Variants in ASH1L observed in about 807,000 individuals in gnomAD.
ASH1L encodes histone-lysine N-methyltransferase ASH1L.
A neutral mutation model predicts 269.0 loss-of-function variants in ASH1L; 23 were observed. The ratio of observed to expected loss-of-function variants is 0.09; its 90% CI spans 0.06 to 0.12. The LOEUF (loss-of-function observed/expected upper bound fraction) is 0.12. ASH1L is among the 10% of genes least tolerant of loss of function. The pLI, the probability that ASH1L is intolerant of heterozygous loss-of-function variation, is 1.00. For missense variants in ASH1L, 2,912 were observed against 3,567.8 expected, an observed-to-expected ratio of 0.82 and a Z score of 4.68; for synonymous variants, 1,187 against 1,253.5, an observed-to-expected ratio of 0.95 and a Z score of 1.12.
At chr1:155,489,913 T>C (rs903086728) in intron 2 of ASH1L, among the ~76,000 whole-genome samples, 11 of 151,874 alleles carry the variant, frequency 7.2e-5, no homozygotes, top group African/African-American at 2.4e-4. Context: ...TTTTTAAAGG[T>C]GAAAGTACAA....
intron 1 of ASH1L, among the ~76,000 whole-genome samples, chr1:155,528,434 G>A (rs544996379): frequency 6.6e-6 from 1 of 150,590 alleles, no homozygotes; most frequent in Admixed American, 6.6e-5. Context: ...TATTGCAATA[G>A]CTTTTTTTTT....
chr1:155,377,094 A>AT (rs1276672880), intron 10 of ASH1L, among the ~76,000 whole-genome samples: 1 of 151,568 alleles, frequency 6.6e-6, no homozygotes, highest in Admixed American at 6.6e-5. Context: ...TTTAGTAGAG[A>AT]TGGGGTTTCT....
rs114607744 is a variant in ASH1L at position 155,529,309 on chromosome 1, T to C, written c.-99-7691A>G. 6.1e-3 allele frequency among the ~76,000 whole-genome samples: 929 copies of C among 152,052 alleles called. 10 individuals are homozygous for C. The highest frequency in any genetic ancestry group is 0.022 in the African/African-American group (904 of 41,512). ...CTTAACTAATTTACACTCCCACCAA[T>C]AGTGTATAAGCACTCCTTTCTCTCT... On this transcript the variant is annotated intron_variant, in intron 1 of 27. Transcript: ENST00000392403.
chr1:155,363,774 A>G (rs192734110), intron 12 of ASH1L, among the ~76,000 whole-genome samples: 8 of 151,156 alleles, frequency 5.3e-5, no homozygotes, highest in Admixed American at 4.6e-4. Context: ...GGAGTTCGAG[A>G]CCAGCCTGGA....
chr1:155,342,710 A>T (rs1217326811), intron 24 of ASH1L, among the ~76,000 whole-genome samples: 1 of 152,244 alleles, frequency 6.6e-6, no homozygotes, highest in Non-Finnish European at 1.5e-5. Flanking sequence ...TAAAATAGAT[A>T]GTCCTTATTT....
Position 155,459,852 on chromosome 1 carries a change from G to C in ASH1L, c.5031C>G (p.Ser1677Arg), listed in dbSNP as rs374117020. Reference sequence around the variant, plus strand: ...TTTTCCGGGTAGGGCTACAATTTGTGCTCTCTGATGGCCGCTGGGAGGGTT... The same window carrying C: ...TTTTCCGGGTAGGGCTACAATTTGTCCTCTCTGATGGCCGCTGGGAGGGTT... ...SDKPSQRPSE[S>R]TNCSPTRKRS... is the part of the protein sequence containing the mutation. The change falls in exon 4 of 28, where the codon AGC becomes AGG. Residue 1677 changes from serine to arginine, a missense_variant. Ser to Arg is a moderately radical substitution (Grantham distance 110, BLOSUM62 -1). Transcript: ENST00000392403. The C allele has an allele frequency of 1.5e-5, 24 of 1,612,752 alleles. 1 individual carries two copies. The Middle Eastern group carries it at 6.6e-4, about 44-fold the overall frequency.
intron 2 of ASH1L, among the ~76,000 whole-genome samples, chr1:155,514,684 AG>A (rs1415668489): frequency 6.6e-6 from 1 of 152,198 alleles, no homozygotes; most frequent in African/African-American, 2.4e-5. Context: ...CATTTGGCCC[AG>A]GAACTGCTAA....
Position 155,339,379 on chromosome 1 carries a change from G to A in ASH1L, c.8461-11C>T. The A allele has an allele frequency of 1.2e-6, 2 of 1,613,520 alleles. No individual in the cohort carries two copies. The highest frequency in any genetic ancestry group is 1.7e-6 in the Non-Finnish European group (2 of 1,179,476). On this transcript the variant is annotated splice_polypyrimidine_tract_variant and intron_variant, in intron 25 of 27. Transcript: ENST00000392403. ...TGGGACGTAATGAGGCTGCAGAGAA[G>A]AAAAGGAAGAGGTAAGCATATTGTA...
chr1:155,380,806 T>G (rs941732865), intron 7 of ASH1L, among the ~76,000 whole-genome samples: 1 of 150,606 alleles, frequency 6.6e-6, no homozygotes, highest in African/African-American at 2.4e-5. Flanking sequence ...AATTTGTATT[T>G]TTTTTTTTTT....
intron 5 of ASH1L, among the ~76,000 whole-genome samples, chr1:155,425,502 G>A (rs1250171102): frequency 2.7e-5 from 4 of 150,350 alleles, no homozygotes; most frequent in African/African-American, 9.8e-5. Context: ...GCAATGGTGC[G>A]ATCTTGGCTC....
intron 15 of ASH1L, among the ~76,000 whole-genome samples, chr1:155,356,515 G>A: frequency 6.6e-6 from 1 of 151,438 alleles, no homozygotes; most frequent in African/African-American, 2.4e-5. Flanking sequence ...CGTGCCTGTA[G>A]TCCCAGCTAC....
At chr1:155,364,987 C>A (rs1292534434) in intron 12 of ASH1L, among the ~76,000 whole-genome samples, 1 of 148,368 alleles carries the variant, frequency 6.7e-6, no homozygotes, top group Non-Finnish European at 1.5e-5. Flanking sequence ...TATTCCTTTA[C>A]TTTCTTAATA....
Position 155,349,608 on chromosome 1 carries a change from T to C in ASH1L, c.7367-12A>G, listed in dbSNP as rs1420618315. 1 of 1,612,972 alleles carries C rather than the reference T, an allele frequency of 6.2e-7. No individual in the cohort carries two copies. The highest frequency in any genetic ancestry group is 1.3e-5 in the African/African-American group (1 of 74,880). On this transcript the variant is annotated splice_polypyrimidine_tract_variant and intron_variant, in intron 17 of 27. Transcript: ENST00000392403. ...TTGCCGGGAAGAATCTGCAAAAGAATGTGAGGTTTAGTAGAAAGATTCCAC... is the reference window on the plus strand; with the variant it reads ...TTGCCGGGAAGAATCTGCAAAAGAACGTGAGGTTTAGTAGAAAGATTCCAC...
chr1:155,421,083 T>A (rs1476118796), intron 5 of ASH1L, among the ~76,000 whole-genome samples: 2 of 150,650 alleles, frequency 1.3e-5, no homozygotes, highest in African/African-American at 2.4e-5. Context: ...CAAAAAATTT[T>A]AAAAAACTAG....
intron 6 of ASH1L, among the ~76,000 whole-genome samples, chr1:155,411,352 T>A (rs189839303): frequency 6.6e-6 from 1 of 151,588 alleles, no homozygotes; most frequent in Admixed American, 6.6e-5. Context: ...AAGAGCTAGT[T>A]CTAACATACA....
chr1:155,557,530 T>G (rs1671684913), intron 1 of ASH1L, among the ~76,000 whole-genome samples: 1 of 152,066 alleles, frequency 6.6e-6, no homozygotes, highest in Non-Finnish European at 1.5e-5. Context: ...TCCGCCCACC[T>G]CGGCCTCCCA....
intron 1 of ASH1L, among the ~76,000 whole-genome samples, chr1:155,534,961 G>C (rs543608234): frequency 1.3e-5 from 2 of 152,168 alleles, no homozygotes; most frequent in African/African-American, 4.8e-5. Context: ...AGGCCAAGGC[G>C]GGTGGATCAC....
intron 5 of ASH1L, chr1:155,434,086 G>C: frequency 6.3e-7 from 1 of 1,592,286 alleles, no homozygotes. Context: ...AGGCTGCTGG[G>C]TCTCCTTTCT....
At chr1:155,388,891 T>C (rs1219685028) in intron 7 of ASH1L, among the ~76,000 whole-genome samples, 2 of 151,746 alleles carry the variant, frequency 1.3e-5, no homozygotes, top group African/African-American at 2.4e-5. Context: ...TATTGCTTTA[T>C]AGAGAGAGGT....
Sources: gnomAD v4.1 joint callset for allele counts (sites outside exome capture counted in the v4.1 genomes callset) on GRCh38, gnomAD v4.1.1 for gene constraint, MANE v1.5 for transcripts, NCBI Gene and HGNC (gene_info 2026-07-23, HGNC 2026-07-21) for gene names.